Variants in PLCB1 observed in about 807,000 individuals in gnomAD.
PLCB1 encodes the protein phospholipase C beta 1.
In PLCB1, 46 loss-of-function variants were observed where a neutral mutation model predicts 161.8. That is an observed-to-expected ratio of 0.28 (90% CI 0.22 to 0.36). PLCB1 has a LOEUF of 0.36. Among genes scored for constraint, PLCB1 ranks in the 10% least tolerant of loss-of-function variants. PLCB1 has a pLI of 1.00. For synonymous variants in PLCB1, 517 were observed against 503.7 expected, an observed-to-expected ratio of 1.03 and a Z score of -0.35; for missense variants, 1,016 against 1,472.5, an observed-to-expected ratio of 0.69 and a Z score of 5.07.
At chr20:8,211,947 G>A (rs999060743) in intron 2 of PLCB1, among the ~76,000 whole-genome samples, 33 of 151,882 alleles carry the variant, frequency 2.2e-4, no homozygotes, top group African/African-American at 7.7e-4. Flanking sequence ...TCTTTTATTA[G>A]CAACTGAAAG....
intron 3 of PLCB1, among the ~76,000 whole-genome samples, chr20:8,491,594 T>C (rs1365147071): frequency 2.6e-5 from 4 of 152,152 alleles, no homozygotes; most frequent in Non-Finnish European, 5.9e-5. Flanking sequence ...TTGTGGGTAG[T>C]CTTTCCTCAA....
intron 3 of PLCB1, among the ~76,000 whole-genome samples, chr20:8,387,617 C>G (rs1406227409): frequency 6.6e-6 from 1 of 152,066 alleles, no homozygotes; most frequent in Non-Finnish European, 1.5e-5. Flanking sequence ...AAAAATGGCA[C>G]CAACAGACTT....
intron 31 of PLCB1, among the ~76,000 whole-genome samples, chr20:8,798,414 T>C (rs1984130860): frequency 6.6e-6 from 1 of 152,210 alleles, no homozygotes; most frequent in African/African-American, 2.4e-5. Flanking sequence ...AATTGGCTTA[T>C]GCAATTTTGG....
intron 3 of PLCB1, among the ~76,000 whole-genome samples, chr20:8,622,985 T>G (rs1271900528): frequency 6.6e-6 from 1 of 152,192 alleles, no homozygotes; most frequent in Non-Finnish European, 1.5e-5. Context: ...CCAATTTTCT[T>G]GGTCCAAGGA....
chr20:8,223,904 T>C (rs911727283), intron 2 of PLCB1, among the ~76,000 whole-genome samples: 1 of 152,188 alleles, frequency 6.6e-6, no homozygotes, highest in African/African-American at 2.4e-5. Context: ...AATTATGCAC[T>C]AGAAAGCACA....
intron 3 of PLCB1, among the ~76,000 whole-genome samples, chr20:8,435,941 G>A (rs774723561): frequency 6.6e-6 from 1 of 152,166 alleles, no homozygotes; most frequent in African/African-American, 2.4e-5. Flanking sequence ...AGGATAGATT[G>A]TAATGATGCC....
At chr20:8,678,373 T>G (rs1990137727) in intron 9 of PLCB1, among the ~76,000 whole-genome samples, 1 of 152,166 alleles carries the variant, frequency 6.6e-6, no homozygotes, top group Non-Finnish European at 1.5e-5. Flanking sequence ...TCTTTCATGG[T>G]GGTAAGTCAA....
intron 2 of PLCB1, among the ~76,000 whole-genome samples, chr20:8,250,812 C>T (rs1278109853): frequency 1.3e-5 from 2 of 151,876 alleles, no homozygotes; most frequent in Non-Finnish European, 2.9e-5. Context: ...TATTGAGCTC[C>T]CAACAATATG....
chr20:8,678,352 C>T (rs1990136956), intron 9 of PLCB1, among the ~76,000 whole-genome samples: 1 of 151,996 alleles, frequency 6.6e-6, no homozygotes, highest in Admixed American at 6.6e-5. Context: ...TAAGAAAGAG[C>T]AATATTCTCA....
rs2207312 is a variant in PLCB1 at position 8,458,413 on chromosome 20, C to G, written c.246+86963C>G. Among the ~76,000 whole-genome samples the G allele has an allele frequency of 0.56, 85,777 of 151,972 alleles. 24,380 individuals carry two copies. The highest frequency in any genetic ancestry group is 0.69 in the East Asian group (3,530 of 5,144). On this transcript the variant is annotated intron_variant, in intron 3 of 31. Coordinates refer to ENST00000338037, the MANE Select transcript of PLCB1 (RefSeq NM_015192.4). ...TCATTCCCTCCTCATCCATCTTAAT[C>G]ATAAAATTCTAATGTCCTAGGTTCT... is the stretch of plus-strand genomic sequence containing the variant.
intron 3 of PLCB1, among the ~76,000 whole-genome samples, chr20:8,611,018 A>G (rs1262097735): frequency 1.3e-5 from 2 of 152,062 alleles, no homozygotes; most frequent in Non-Finnish European, 2.9e-5. Flanking sequence ...AATATCTAAG[A>G]AATGTATCTC....
At chr20:8,644,443 C>T (rs1220909123) in intron 4 of PLCB1, among the ~76,000 whole-genome samples, 33 of 150,030 alleles carry the variant, frequency 2.2e-4, no homozygotes, top group East Asian at 4.0e-4. Context: ...GCCTCTGCCC[C>T]GCCGCCCCAT....
At chr20:8,373,616 AT>A (rs1986975706) in intron 3 of PLCB1, among the ~76,000 whole-genome samples, 1 of 152,192 alleles carries the variant, frequency 6.6e-6, no homozygotes, top group African/African-American at 2.4e-5. Flanking sequence ...TTGCAGCAAA[AT>A]TTGAGCACCA....
chr20:8,524,082 C>A (rs924711274), intron 3 of PLCB1, among the ~76,000 whole-genome samples: 1 of 151,626 alleles, frequency 6.6e-6, no homozygotes, highest in Admixed American at 6.6e-5. Context: ...GTATAAAATA[C>A]AAACAAAATC....
intron 1 of PLCB1, among the ~76,000 whole-genome samples, chr20:8,142,838 G>A (rs60630287): frequency 0.043 from 6,491 of 152,246 alleles, 180 homozygotes; most frequent in South Asian, 0.12. Context: ...AGAGGCAATG[G>A]AAGTCCCTGG....
intron 2 of PLCB1, among the ~76,000 whole-genome samples, chr20:8,224,508 C>CA (rs1979575434): frequency 6.6e-6 from 1 of 152,018 alleles, no homozygotes; most frequent in Non-Finnish European, 1.5e-5. Flanking sequence ...GTGAAGTATA[C>CA]ACCACACATA....
intron 9 of PLCB1, among the ~76,000 whole-genome samples, chr20:8,680,930 A>G (rs1358179274): frequency 6.6e-6 from 1 of 151,276 alleles, no homozygotes; most frequent in South Asian, 2.1e-4. Flanking sequence ...ATTTAGTAAT[A>G]TCTGTCTAGT....
At chr20:8,695,212 C>T (rs571145237) in intron 10 of PLCB1, among the ~76,000 whole-genome samples, 2 of 152,246 alleles carry the variant, frequency 1.3e-5, no homozygotes, top group South Asian at 4.1e-4. Flanking sequence ...TACCAGGGCT[C>T]TATAGAACTC....
At chr20:8,306,731 A>AT (rs1357981533) in intron 2 of PLCB1, among the ~76,000 whole-genome samples, 1 of 152,142 alleles carries the variant, frequency 6.6e-6, no homozygotes, top group Admixed American at 6.5e-5. Context: ...CTTTTACCCA[A>AT]TTTTTTTGTT....
Sources: gnomAD v4.1 joint callset for allele counts (sites outside exome capture counted in the v4.1 genomes callset) on GRCh38, gnomAD v4.1.1 for gene constraint, MANE v1.5 for transcripts, NCBI Gene and HGNC (gene_info 2026-07-23, HGNC 2026-07-21) for gene names.